Variants in TLN2 observed in about 807,000 individuals in gnomAD.
TLN2 encodes the protein talin 2, also known as talin-2.
Under a neutral mutation model 294.7 loss-of-function variants are expected in TLN2, and 118 were observed. The observed-to-expected ratio is 0.40, with a 90% confidence interval of 0.34 to 0.47. TLN2 has a LOEUF of 0.47. Ranked by LOEUF, TLN2 falls within the 20% of genes least tolerant of loss-of-function variation. The pLI is 0.84. For synonymous variants in TLN2, 1,431 were observed against 1,304.5 expected (o/e 1.10, Z -2.09); for missense variants, 3,083 against 3,282.2 (o/e 0.94, Z 1.48).
intron 37 of TLN2, among the ~76,000 whole-genome samples, 158 bp from the exon 38 acceptor site, chr15:62,761,523 G>T (rs559453364): frequency 2.5e-4 from 38 of 152,144 alleles, no homozygotes; most frequent in Admixed American, 4.6e-4. Context: ...TTGATGGCAG[G>T]GGTCTCTTTC....
chr15:62,555,564 TG>T (rs1255832778), intron 1 of TLN2, among the ~76,000 whole-genome samples: 2 of 152,252 alleles, frequency 1.3e-5, no homozygotes, highest in Admixed American at 1.3e-4. Flanking sequence ...CTTTTCTTTA[TG>T]TCTTCTGAGT....
chr15:62,679,759 TGG>T (rs2056629662), intron 11 of TLN2, among the ~76,000 whole-genome samples: 1 of 152,238 alleles, frequency 6.6e-6, no homozygotes, highest in Non-Finnish European at 1.5e-5. Flanking sequence ...ATGCTAACAA[TGG>T]TACAGTAACA....
intron 1 of TLN2, among the ~76,000 whole-genome samples, chr15:62,473,323 C>T (rs1301740898): frequency 2.6e-5 from 4 of 151,896 alleles, no homozygotes; most frequent in Non-Finnish European, 5.9e-5. Context: ...GCTTGGAGGT[C>T]CCTGTCACTA....
intron 2 of TLN2, among the ~76,000 whole-genome samples, chr15:62,601,074 C>G (rs903521860): frequency 1.3e-5 from 2 of 152,174 alleles, no homozygotes; most frequent in Admixed American, 1.3e-4. Flanking sequence ...TCCATACCTT[C>G]TCTGACCCTT....
intron 1 of TLN2, among the ~76,000 whole-genome samples, chr15:62,560,573 C>T (rs1284824960): frequency 3.3e-5 from 5 of 152,220 alleles, no homozygotes; most frequent in African/African-American, 4.8e-5. Flanking sequence ...GTGATCCGCG[C>T]GCCTGGCCTC....
intron 3 of TLN2, among the ~76,000 whole-genome samples, chr15:62,621,124 C>T (rs2048787729): frequency 6.6e-6 from 1 of 152,174 alleles, no homozygotes; most frequent in Admixed American, 6.5e-5. Context: ...CAGGTGTGAG[C>T]CACTGTGCCC....
chr15:62,484,189 T>C (rs1001770022), intron 1 of TLN2, among the ~76,000 whole-genome samples: 1 of 152,182 alleles, frequency 6.6e-6, no homozygotes, highest in African/African-American at 2.4e-5. Context: ...GGGGGTAGTT[T>C]ACTGATGAAG....
At chr15:62,534,152 C>A (rs1232225519) in intron 1 of TLN2, among the ~76,000 whole-genome samples, 1 of 152,080 alleles carries the variant, frequency 6.6e-6, no homozygotes, top group African/African-American at 2.4e-5. Flanking sequence ...AGGGATTTCT[C>A]CCCACATACT....
At chr15:62,608,002 A>G (rs2047596927) in intron 2 of TLN2, among the ~76,000 whole-genome samples, 1 of 152,196 alleles carries the variant, frequency 6.6e-6, no homozygotes, top group South Asian at 2.1e-4. Context: ...CATTTTTGTT[A>G]GGCTTTTGCG....
intron 3 of TLN2, among the ~76,000 whole-genome samples, chr15:62,646,365 GTT>G (rs2051842005): frequency 6.6e-6 from 1 of 152,002 alleles, no homozygotes; most frequent in Non-Finnish European, 1.5e-5. Flanking sequence ...GTTTCACCAT[GTT>G]GGACAGGCTG....
chr15:62,822,419 C>T (rs533909186), intron 54 of TLN2, among the ~76,000 whole-genome samples: 18 of 152,322 alleles, frequency 1.2e-4, no homozygotes, highest in South Asian at 2.1e-4. Flanking sequence ...AGGAAGCTCG[C>T]GTTGTTCAGC....
Position 62,653,194 on chromosome 15 carries a change from C to A in TLN2, c.397C>A (p.Gln133Lys). 6.2e-7 allele frequency: 1 copy of A among 1,600,874 alleles called. No homozygotes were observed. Among genetic ancestry groups the A allele is most frequent in the Non-Finnish European group, 8.5e-7 (1 of 1,173,368 alleles). ...ITNYEEYSLI[Q>K]ETIEEKKEEG... ...AAATTATGAAGAATACTCCTTAATC[C>A]AAGAAACTATTGAAGAAAAGAAAGA... is the stretch of plus-strand genomic sequence containing the variant. Residue 133 changes from glutamine (Q) to lysine (K), a missense_variant, in exon 7 of 59, where the codon CAA becomes AAA. Coordinates refer to ENST00000636159, the MANE Select transcript of TLN2 (RefSeq NM_015059.3).
Position 62,800,453 on chromosome 15 carries a change from T to C in TLN2, c.6320T>C (p.Val2107Ala), listed in dbSNP as rs2065856463. 6.2e-7 allele frequency: 1 copy of C among 1,614,188 alleles called. No homozygotes were observed. The change falls in exon 49 of 59, where the codon GTG (valine) becomes GCG (alanine). Residue 2107 changes from valine (V) to alanine (A), a missense_variant. Physicochemically the swap from Val to Ala is moderately conservative, Grantham distance 64. Coordinates refer to ENST00000636159, the MANE Select transcript of TLN2 (RefSeq NM_015059.3). ...ACCAAGGGAGCTGCCAGCAAGCCAG[T>C]GGACGACCCTTCCATGTACCAGCTC... Reference protein sequence around the residue: ...SATKGAASKPVDDPSMYQLKG... With the variant: ...SATKGAASKPADDPSMYQLKG...
At chr15:62,531,881 T>A (rs2041060138) in intron 1 of TLN2, among the ~76,000 whole-genome samples, 1 of 152,172 alleles carries the variant, frequency 6.6e-6, no homozygotes, top group Non-Finnish European at 1.5e-5. Flanking sequence ...AAGCCTGTTT[T>A]TAGAGCCTCG....
At chr15:62,430,946 A>AAAT (rs66904258) in intron 1 of TLN2, among the ~76,000 whole-genome samples, 1 of 151,266 alleles carries the variant, frequency 6.6e-6, no homozygotes, top group Non-Finnish European at 1.5e-5. Flanking sequence ...AAAAAAAAAA[A>AAAT]TACACAAAAA....
chr15:62,537,839 C>G (rs1437000109), intron 1 of TLN2, among the ~76,000 whole-genome samples: 1 of 152,184 alleles, frequency 6.6e-6, no homozygotes, highest in African/African-American at 2.4e-5. Context: ...AACAGGGCAT[C>G]CTTTCCTTTT....
chr15:62,739,538 A>G lies in TLN2; in HGVS notation c.3878A>G (p.Gln1293Arg). ...FLDAGIEMAG[Q>R]AQTKEDQIQV... is the part of the protein sequence containing the mutation. ...GATGCTGGCATTGAGATGGCTGGCC[A>G]AGCTCAGGTGGGTGTGGAGGTGGTT... Residue 1293 changes from glutamine (Q) to arginine (R), a missense_variant, in exon 31 of 59, where the codon CAA (glutamine) becomes CGA (arginine). By Grantham distance (43) the Gln-to-Arg change is conservative. Coordinates refer to ENST00000636159, the MANE Select transcript of TLN2 (RefSeq NM_015059.3). The G allele has an allele frequency of 1.9e-6, 3 of 1,614,212 alleles. No homozygotes were observed. Among genetic ancestry groups the G allele is most frequent in the Non-Finnish European group, 2.5e-6 (3 of 1,180,020 alleles).
intron 1 of TLN2, among the ~76,000 whole-genome samples, chr15:62,446,284 C>T (rs148152385): frequency 1.1e-4 from 17 of 152,304 alleles, no homozygotes; most frequent in South Asian, 2.1e-4. Context: ...CGAGCCACCG[C>T]GCCCGGCTTA....
At chr15:62,675,152 C>A in intron 10 of TLN2, 65 bp from the exon 11 acceptor site, 2 of 1,474,402 alleles carry the variant, frequency 1.4e-6, no homozygotes, top group Non-Finnish European at 9.5e-7. Context: ...CAGTAACTAC[C>A]TCTCTCCAAG....
Sources: allele counts gnomAD v4.1 joint callset (sites outside exome capture counted in the v4.1 genomes callset), GRCh38; gene constraint gnomAD v4.1.1; transcripts MANE v1.5; gene names NCBI Gene and HGNC (gene_info 2026-07-23, HGNC 2026-07-21).